TRIM62: variants seen among roughly 807,000 people sequenced by gnomAD.
TRIM62 encodes the protein E3 ubiquitin-protein ligase TRIM62.
In TRIM62, 39 loss-of-function variants were observed where a neutral mutation model predicts 44.2. The observed-to-expected ratio is 0.88, with a 90% CI of 0.68 to 1.15. The LOEUF is 1.15. Ranked by LOEUF, TRIM62 falls within the 50% of genes most tolerant of loss-of-function variation. TRIM62 has a pLI of 0.00. For missense variants in TRIM62, 544 were observed against 665.5 expected (o/e 0.82, Z 2.01); for synonymous variants, 278 against 292.3 (o/e 0.95, Z 0.50).
intron 1 of TRIM62, among the ~76,000 whole-genome samples, chr1:33,174,995 A>T (rs1477197833): frequency 6.9e-6 from 1 of 144,490 alleles, no homozygotes; most frequent in Non-Finnish European, 1.5e-5. Context: ...ATATGCACAC[A>T]CACATGTATG....
rs1384392247 is a variant in TRIM62 at position 33,152,332 on chromosome 1, G to A, written c.878-4605C>T. Among the ~76,000 whole-genome samples, 5 of 152,176 alleles carry A rather than the reference G, an allele frequency of 3.3e-5. No homozygotes were observed. The South Asian group carries it at 8.3e-4, about 25-fold the overall frequency. Reference sequence around the variant, plus strand: ...CGTAATTCCAGCACTTTGGGAGGCCGAGGCAGGCGGATCACCTGAGGTCCG... The same window carrying A: ...CGTAATTCCAGCACTTTGGGAGGCCAAGGCAGGCGGATCACCTGAGGTCCG... On this transcript the variant is annotated intron_variant, in intron 4 of 4. Coordinates refer to ENST00000291416, the MANE Select transcript of TRIM62 (RefSeq NM_018207.3).
chr1:33,147,678 G>T lies in TRIM62; in HGVS notation c.927C>A (p.Ile309=). The T allele has an allele frequency of 2.5e-6, 4 of 1,613,768 alleles. No homozygotes were observed. The highest frequency in any genetic ancestry group is 2.2e-5 in the South Asian group (2 of 91,088). ...CCACAATGGTGCAGTCGTCCGACAG[G>T]ATCAGGCGCTGGTGGGCTGTGCCCG... ...LDPGTAHQRL[I]LSDDCTIVAY... is the part of the protein sequence containing the mutation. The change falls in exon 5 of 5, where the codon ATC becomes ATA. Residue 309 remains isoleucine, a synonymous_variant. Transcript: ENST00000291416. This position sits in a 1 kb window ranked among gnomAD's most constrained non-coding sequence, Gnocchi z 8.1.
intron 1 of TRIM62, among the ~76,000 whole-genome samples, chr1:33,179,248 C>A (rs1027700667): frequency 2.0e-5 from 3 of 152,220 alleles, no homozygotes; most frequent in Non-Finnish European, 4.4e-5. Flanking sequence ...CTCCCAGAGG[C>A]CCAGGCCCTT....
At position 33,161,272 on chromosome 1, in the gene TRIM62, T is replaced by C. The variant is rs565115206; in HGVS notation, c.505-1328A>G. On this transcript the variant is annotated intron_variant, in intron 2 of 4. Transcript: ENST00000291416. The surrounding 1 kb of genome is among the most constrained non-coding windows in gnomAD (Gnocchi z 4.3). ...GCCTGAGGGATGGGCAGGATGTCAG[T>C]TGGGGGTCAGGGGAACAGGCAGAGG... 6.6e-5 allele frequency among the ~76,000 whole-genome samples: 10 copies of C among 152,102 alleles called. No individual in the cohort carries two copies. Among genetic ancestry groups the C allele is most frequent in the South Asian group, 2.1e-4 (1 of 4,824 alleles).
intron 4 of TRIM62, among the ~76,000 whole-genome samples, chr1:33,155,588 G>A (rs999714409): frequency 6.6e-6 from 1 of 152,282 alleles, no homozygotes; most frequent in Middle Eastern, 3.4e-3. Context: ...TCTGGGGCCC[G>A]ACGTTGGGGT....
At position 33,181,894 on chromosome 1, in the gene TRIM62, G is replaced by A. The variant is rs111623938; in HGVS notation, c.-462C>T. On this transcript the variant is annotated 5_prime_UTR_variant, in exon 1 of 5. Coordinates refer to ENST00000291416, the MANE Select transcript of TRIM62 (RefSeq NM_018207.3). The surrounding 1 kb of genome is among the most constrained non-coding windows in gnomAD (Gnocchi z 6.5). Reference sequence around the variant, plus strand: ...TCCTGGGGGAGGGGGCAGCCAGGCCGAGCCGTACATTGGCTGTGACCGGCA... The same window carrying A: ...TCCTGGGGGAGGGGGCAGCCAGGCCAAGCCGTACATTGGCTGTGACCGGCA... The A allele has an allele frequency of 5.6e-4, 97 of 173,834 alleles. 1 individual carries two copies. Among genetic ancestry groups the A allele is most frequent in the African/African-American group, 2.2e-3 (93 of 41,706 alleles). The allele number at this position is 173,834 out of a possible 1,614,324, so 10.8% of individuals were successfully genotyped here. A position where few individuals can be genotyped will look rare whatever the true frequency, so the allele number is the denominator to read the frequency against.
chr1:33,147,344 C>G lies in TRIM62; in HGVS notation c.1261G>C (p.Asp421His), dbSNP rs770630617. Residue 421 changes from aspartate (D) to histidine (H), a missense_variant, in exon 5 of 5, where the codon GAC (aspartate) becomes CAC (histidine). Physicochemically the swap from Asp to His is moderately conservative, Grantham distance 81. Transcript: ENST00000291416. The surrounding 1 kb of genome is among the most constrained non-coding windows in gnomAD (Gnocchi z 8.1). Reference sequence around the variant, plus strand: ...AAGATGAGCAAGCCTTGGTCATAGTCCAGGAAGACACCCACCTTGTCAAGC... The same window carrying G: ...AAGATGAGCAAGCCTTGGTCATAGTGCAGGAAGACACCCACCTTGTCAAGC... ...DKLDKVGVFL[D>H]YDQGLLIFYN... 1.2e-6 allele frequency: 2 copies of G among 1,614,204 alleles called. No homozygotes were observed. Among genetic ancestry groups the G allele is most frequent in the Non-Finnish European group, 1.7e-6 (2 of 1,180,034 alleles).
intron 1 of TRIM62, among the ~76,000 whole-genome samples, chr1:33,168,834 C>G (rs1008490509): frequency 6.6e-6 from 1 of 152,184 alleles, no homozygotes; most frequent in Admixed American, 6.5e-5. Flanking sequence ...ACAATTCTCC[C>G]CCTGGTGGCC....
Position 33,158,254 on chromosome 1 carries a change from T to G in TRIM62, c.876A>C (p.Pro292=). 1 of 1,613,684 alleles carries G rather than the reference T, an allele frequency of 6.2e-7. No homozygotes were observed. The highest frequency in any genetic ancestry group is 8.5e-7 in the Non-Finnish European group (1 of 1,179,674). Residue 292 remains proline, a splice_region_variant and synonymous_variant, in exon 4 of 5, where the codon CCA becomes CCC. Coordinates refer to ENST00000291416, the MANE Select transcript of TRIM62 (RefSeq NM_018207.3). ...GGACCATGATAACCCATGCCTTACCTGGGTGGATGTCCTGGAACAGGGACT... is the reference window on the plus strand; with the variant it reads ...GGACCATGATAACCCATGCCTTACCGGGGTGGATGTCCTGGAACAGGGACT... The part of the protein sequence containing the change: ...IWKSLFQDIH[P]VPAALTLDPG...
intron 4 of TRIM62, among the ~76,000 whole-genome samples, chr1:33,148,963 C>T (rs1386452504): frequency 6.6e-6 from 1 of 152,162 alleles, no homozygotes; most frequent in African/African-American, 2.4e-5. Context: ...CCCAGCCAAC[C>T]TCTCACTTCT....
chr1:33,172,959 C>T (rs898174799), intron 1 of TRIM62, among the ~76,000 whole-genome samples: 3 of 152,210 alleles, frequency 2.0e-5, no homozygotes, highest in Non-Finnish European at 2.9e-5. Flanking sequence ...ACCTATGACA[C>T]GGCCCAGCAT....
At position 33,173,569 on chromosome 1, in the gene TRIM62, CAT is replaced by C. The variant is rs1645390901; in HGVS notation, c.408+7454_408+7455del. Among the ~76,000 whole-genome samples, 7 of 152,268 alleles carry C rather than the reference CAT, an allele frequency of 4.6e-5. No homozygotes were observed. The South Asian group carries it at 1.5e-3, about 32-fold the overall frequency. On this transcript the variant is annotated intron_variant, in intron 1 of 4. Coordinates refer to ENST00000291416, the MANE Select transcript of TRIM62 (RefSeq NM_018207.3). The stretch of plus-strand genomic sequence containing the variant: ...CTAGCCACAACGAACCACCTGAACA[CAT>C]GTGTGCTCACCTCCATGCCTGTCCC...
intron 4 of TRIM62, among the ~76,000 whole-genome samples, chr1:33,154,296 A>G (rs928249475): frequency 6.6e-6 from 1 of 152,020 alleles, no homozygotes; most frequent in African/African-American, 2.4e-5. Context: ...GACCCAGGAC[A>G]GCCCTGGAGC....
At chr1:33,152,081 C>T (rs554554682) in intron 4 of TRIM62, among the ~76,000 whole-genome samples, 18 of 152,210 alleles carry the variant, frequency 1.2e-4, no homozygotes, top group Non-Finnish European at 2.6e-4. Flanking sequence ...CATGGGAGCA[C>T]CACGACAGAC....
In TRIM62 at chr1:33,167,747, GGCCTT is replaced by G. The variant is rs1645341692; in HGVS notation, c.409-2186_409-2182del. Reference sequence around the variant, plus strand: ...TCATTCAGCTTGTCAGACCAGGGAGGGCCTTGGTAAATGTCTAGTTCAATTAATTT... The same window carrying G: ...TCATTCAGCTTGTCAGACCAGGGAGGGGTAAATGTCTAGTTCAATTAATTT... On this transcript the variant is annotated intron_variant, in intron 1 of 4. Coordinates refer to ENST00000291416, the MANE Select transcript of TRIM62 (RefSeq NM_018207.3). This position sits in a 1 kb window ranked among gnomAD's most constrained non-coding sequence, Gnocchi z 4.2. Among the ~76,000 whole-genome samples, 1 of 152,116 alleles carries G rather than the reference GGCCTT, an allele frequency of 6.6e-6. No individual in the cohort carries two copies. The highest frequency in any genetic ancestry group is 2.4e-5 in the African/African-American group (1 of 41,414).
In TRIM62 at chr1:33,167,825, T is replaced by C. The variant is rs1645342210; in HGVS notation, c.409-2259A>G. 1.3e-5 allele frequency among the ~76,000 whole-genome samples: 2 copies of C among 152,224 alleles called. No individual in the cohort carries two copies. Among genetic ancestry groups the C allele is most frequent in the African/African-American group, 4.8e-5 (2 of 41,458 alleles). On this transcript the variant is annotated intron_variant, in intron 1 of 4. Coordinates refer to ENST00000291416, the MANE Select transcript of TRIM62 (RefSeq NM_018207.3). The surrounding 1 kb of genome is among the most constrained non-coding windows in gnomAD (Gnocchi z 4.2). ...GAAAATATTCATGATGACATGCTGATGGAAGAATGCAGGAAACAAAATTAT... is the reference window on the plus strand; with the variant it reads ...GAAAATATTCATGATGACATGCTGACGGAAGAATGCAGGAAACAAAATTAT...
At position 33,147,393 on chromosome 1, in the gene TRIM62, C is replaced by A. The variant is rs1159736039; in HGVS notation, c.1212G>T (p.Trp404Cys). ...GCTTGTCCCGGACGTTAAGCCGCGT[C>A]CAGGGCTCCGTGCAGGCGCTGTACT... ...GNQYSACTEPWTRLNVRDKLD... is the reference protein window; with the variant it reads ...GNQYSACTEPCTRLNVRDKLD... The change falls in exon 5 of 5, where the codon TGG (tryptophan) becomes TGT (cysteine). Residue 404 changes from tryptophan (W) to cysteine (C), a missense_variant. Transcript: ENST00000291416. This position sits in a 1 kb window ranked among gnomAD's most constrained non-coding sequence, Gnocchi z 8.1. The A allele has an allele frequency of 7.4e-6, 12 of 1,614,046 alleles. No homozygotes were observed. The highest frequency in any genetic ancestry group is 1.0e-5 in the Non-Finnish European group (12 of 1,180,050).
In TRIM62 at chr1:33,181,196, C is replaced by T. The variant is rs1645460686; in HGVS notation, c.237G>A (p.Pro79=). The T allele has an allele frequency of 6.3e-7, 1 of 1,589,238 alleles. No homozygotes were observed. The highest frequency in any genetic ancestry group is 8.5e-7 in the Non-Finnish European group (1 of 1,173,390). ...GGCGCGCGTTGAGGATGGCGTCCAG[C>T]GGGAAGGAGCTGTAGCGCTCCACGA... is the stretch of plus-strand genomic sequence containing the variant. ...ANIVERYSSF[P]LDAILNARRA... is the part of the protein sequence containing the mutation. The change falls in exon 1 of 5, where the codon CCG becomes CCA. Residue 79 remains proline, a synonymous_variant. Coordinates refer to ENST00000291416, the MANE Select transcript of TRIM62 (RefSeq NM_018207.3). The surrounding 1 kb of genome is among the most constrained non-coding windows in gnomAD (Gnocchi z 6.5).
chr1:33,151,785 G>A (rs1645102182), intron 4 of TRIM62, among the ~76,000 whole-genome samples: 1 of 152,238 alleles, frequency 6.6e-6, no homozygotes, highest in South Asian at 2.1e-4. Context: ...ATCATGGACT[G>A]TGGAGGTCCC....
Sources: gnomAD v4.1 joint callset for allele counts (sites outside exome capture counted in the v4.1 genomes callset) on GRCh38, gnomAD v4.1.1 for gene constraint, Gnocchi (gnomAD v3.1) non-coding constraint, MANE v1.5 for transcripts, NCBI Gene and HGNC (gene_info 2026-07-23, HGNC 2026-07-21) for gene names.